Variants in MAN1C1 observed in about 807,000 individuals in gnomAD.
MAN1C1 encodes mannosidase alpha class 1C member 1, also known as mannosyl-oligosaccharide 1,2-alpha-mannosidase IC.
MAN1C1 carries 49 observed loss-of-function variants against 71.5 expected under a neutral mutation model. The observed-to-expected ratio is 0.69, with a 90% CI of 0.54 to 0.87. The LOEUF (loss-of-function observed/expected upper bound fraction) is 0.87. Among genes scored for constraint, MAN1C1 ranks in the 40% least tolerant of loss-of-function variants. MAN1C1 has a pLI of 0.00. For synonymous variants in MAN1C1, 352 were observed against 343.7 expected (o/e 1.02, Z -0.27); for missense variants, 743 against 835.0 (o/e 0.89, Z 1.36).
At chr1:25,674,022 C>G (rs902370817) in intron 1 of MAN1C1, among the ~76,000 whole-genome samples, 1 of 152,212 alleles carries the variant, frequency 6.6e-6, no homozygotes, top group African/African-American at 2.4e-5. Context: ...GTCTTCCTGC[C>G]CCCACCTAAC....
At chr1:25,656,643 C>T (rs532986842) in intron 1 of MAN1C1, among the ~76,000 whole-genome samples, 2 of 152,222 alleles carry the variant, frequency 1.3e-5, no homozygotes, top group South Asian at 4.1e-4. Context: ...TCAGGCTGTG[C>T]TTAAGCCTGC....
At chr1:25,632,529 C>T (rs1489717173) in intron 1 of MAN1C1, among the ~76,000 whole-genome samples, 1 of 151,550 alleles carries the variant, frequency 6.6e-6, no homozygotes, top group African/African-American at 2.4e-5. Context: ...ATTTCTTTTC[C>T]TCTGCTAGCT....
chr1:25,767,334 CCA>C (rs1201961057), intron 7 of MAN1C1, among the ~76,000 whole-genome samples: 2 of 139,046 alleles, frequency 1.4e-5, no homozygotes, highest in African/African-American at 2.8e-5. Flanking sequence ...CACACTCCCC[CCA>C]CACACAGACC....
intron 5 of MAN1C1, among the ~76,000 whole-genome samples, chr1:25,755,923 C>A (rs2047280177): frequency 6.6e-6 from 1 of 152,174 alleles, no homozygotes; most frequent in Non-Finnish European, 1.5e-5. Context: ...CAGAGGCCCT[C>A]CTGGTCTCTG....
chr1:25,705,855 A>G (rs1293302797), intron 2 of MAN1C1, among the ~76,000 whole-genome samples: 1 of 152,226 alleles, frequency 6.6e-6, no homozygotes, highest in Non-Finnish European at 1.5e-5. Flanking sequence ...AGGTGGAAGG[A>G]TCACTTGAGC....
chr1:25,632,601 G>C (rs115558938), intron 1 of MAN1C1, among the ~76,000 whole-genome samples: 225 of 152,162 alleles, frequency 1.5e-3, no homozygotes, highest in African/African-American at 5.1e-3. Context: ...TTGTCAATTT[G>C]TGATCCTTCA....
Position 25,713,760 on chromosome 1 carries a change from G to T in MAN1C1, c.637+27224G>T, listed in dbSNP as rs1000060904. Among the ~76,000 whole-genome samples, 16 of 152,274 alleles carry T rather than the reference G, an allele frequency of 1.1e-4. 1 individual carries two copies. Among genetic ancestry groups the T allele is most frequent in the Admixed American group, 2.0e-4 (3 of 15,296 alleles). On this transcript the variant is annotated intron_variant, in intron 2 of 11. Transcript: ENST00000374332. ...AATCGTTATAATGCAGCCTGCACAG[G>T]TGATCAGAGGGCCATGGAGAAGGCA...
intron 2 of MAN1C1, among the ~76,000 whole-genome samples, chr1:25,729,940 A>G (rs2046887624): frequency 6.6e-6 from 1 of 152,220 alleles, no homozygotes; most frequent in African/African-American, 2.4e-5. Context: ...TAACAGCTGC[A>G]TAAACTTCCA....
chr1:25,713,676 A>G (rs1455834321), intron 2 of MAN1C1, among the ~76,000 whole-genome samples: 1 of 152,164 alleles, frequency 6.6e-6, no homozygotes, highest in African/African-American at 2.4e-5. Flanking sequence ...GTCTGAAAAG[A>G]GGCCCATGGA....
At chr1:25,666,544 G>A (rs1314013757) in intron 1 of MAN1C1, among the ~76,000 whole-genome samples, 2 of 152,306 alleles carry the variant, frequency 1.3e-5, no homozygotes, top group Non-Finnish European at 2.9e-5. Flanking sequence ...AGGGCAGCAG[G>A]TTGAGTAGAA....
chr1:25,724,835 G>T (rs1411685018), intron 2 of MAN1C1, among the ~76,000 whole-genome samples: 1 of 152,190 alleles, frequency 6.6e-6, no homozygotes, highest in Non-Finnish European at 1.5e-5. Flanking sequence ...CTTGCTACTG[G>T]AAGAAATGCT....
intron 2 of MAN1C1, among the ~76,000 whole-genome samples, chr1:25,707,424 A>G (rs2046539124): frequency 6.6e-6 from 1 of 152,228 alleles, no homozygotes; most frequent in African/African-American, 2.4e-5. Flanking sequence ...TAACAAGAGA[A>G]TTGGTTTGCC....
At chr1:25,760,869 T>G (rs1361758157) in intron 6 of MAN1C1, 1 of 152,228 alleles carries the variant, frequency 6.6e-6, no homozygotes, top group Non-Finnish European at 1.5e-5. Context: ...AAAGCCCTCT[T>G]GAATTCCACT....
chr1:25,655,928 G>A (rs1389653851), intron 1 of MAN1C1, among the ~76,000 whole-genome samples: 8 of 151,948 alleles, frequency 5.3e-5, no homozygotes, highest in East Asian at 3.9e-4. Flanking sequence ...GCTGTGGGTC[G>A]GGGAGAGAGT....
intron 2 of MAN1C1, among the ~76,000 whole-genome samples, chr1:25,729,559 T>A (rs1172457165): frequency 6.6e-6 from 1 of 151,826 alleles, no homozygotes; most frequent in African/African-American, 2.4e-5. Context: ...TCACCCAGGC[T>A]GGAGTGCAAT....
At chr1:25,712,373 G>A (rs1410850027) in intron 2 of MAN1C1, among the ~76,000 whole-genome samples, 1 of 152,214 alleles carries the variant, frequency 6.6e-6, no homozygotes, top group African/African-American at 2.4e-5. Flanking sequence ...CTGCTCTCAG[G>A]GAGGGTCTGG....
intron 1 of MAN1C1, among the ~76,000 whole-genome samples, chr1:25,652,180 C>G (rs137989600): frequency 2.6e-5 from 4 of 152,356 alleles, no homozygotes; most frequent in African/African-American, 9.6e-5. Flanking sequence ...AGCTGAGGAG[C>G]CTTCCTGCTG....
intron 1 of MAN1C1, among the ~76,000 whole-genome samples, chr1:25,635,132 G>A (rs895994230): frequency 5.3e-5 from 8 of 151,996 alleles, no homozygotes; most frequent in African/African-American, 1.7e-4. Context: ...CCAGAGTAAC[G>A]AGGACTACAG....
At chr1:25,768,348 C>G (rs2047484184) in intron 7 of MAN1C1, among the ~76,000 whole-genome samples, 3 of 116,052 alleles carry the variant, frequency 2.6e-5, no homozygotes, top group African/African-American at 3.5e-5. Context: ...ACACACACCA[C>G]ACACACACAT....
Sources: allele counts gnomAD v4.1 joint callset (sites outside exome capture counted in the v4.1 genomes callset), GRCh38; gene constraint gnomAD v4.1.1; transcripts MANE v1.5; gene names NCBI Gene and HGNC (gene_info 2026-07-23, HGNC 2026-07-21).